ANGPT1: variants seen among roughly 807,000 people sequenced by gnomAD.
The protein encoded by ANGPT1 is angiopoietin 1, also known as angiopoietin-1.
Under a neutral mutation model 62.2 loss-of-function variants are expected in ANGPT1, and 17 were observed. The ratio of observed to expected loss-of-function variants is 0.27; its 90% CI spans 0.19 to 0.41. The LOEUF (loss-of-function observed/expected upper bound fraction) is 0.41. ANGPT1 is among the 10% of genes least tolerant of loss of function. The pLI is 1.00. For missense variants in ANGPT1, 478 were observed against 594.9 expected (o/e 0.80, Z 2.04); for synonymous variants, 199 against 198.9 (o/e 1.00, Z 0.00).
At chr8:107,493,104 G>A (rs890990174) in intron 1 of ANGPT1, among the ~76,000 whole-genome samples, 1 of 150,370 alleles carries the variant, frequency 6.7e-6, no homozygotes. Flanking sequence ...ATACACTTGA[G>A]CACTTGATTT....
chr8:107,445,071 C>T (rs117443851), intron 1 of ANGPT1, among the ~76,000 whole-genome samples: 4 of 152,192 alleles, frequency 2.6e-5, no homozygotes, highest in African/African-American at 9.6e-5. Flanking sequence ...AATTTGCAGT[C>T]TCTCACTTTG....
Position 107,470,715 on chromosome 8 carries a change from C to A in ANGPT1, c.297+26547G>T, listed in dbSNP as rs543953885. Among the ~76,000 whole-genome samples, 29 of 152,100 alleles carry A rather than the reference C, an allele frequency of 1.9e-4. 1 individual carries two copies. The highest frequency in any genetic ancestry group is 6.5e-4 in the African/African-American group (27 of 41,502). ...AAATTTACAAGAAAAAAACAAACAA[C>A]CCCATCAAAAAGTGGGCAAAGGATA... On this transcript the variant is annotated intron_variant, in intron 1 of 8. Transcript: ENST00000517746.
chr8:107,468,626 A>T (rs1812268142), intron 1 of ANGPT1, among the ~76,000 whole-genome samples: 1 of 152,110 alleles, frequency 6.6e-6, no homozygotes, highest in South Asian at 2.1e-4. Flanking sequence ...GGCATCTATT[A>T]TTTCTGAAAA....
At chr8:107,285,942 T>C (rs1012814956) in intron 6 of ANGPT1, among the ~76,000 whole-genome samples, 8 of 151,980 alleles carry the variant, frequency 5.3e-5, no homozygotes, top group Non-Finnish European at 1.0e-4. Context: ...AGGGTTGTTT[T>C]GAAATTCAAA....
At chr8:107,261,401 A>C (rs1251423966) in intron 8 of ANGPT1, among the ~76,000 whole-genome samples, 1 of 152,078 alleles carries the variant, frequency 6.6e-6, no homozygotes, top group Non-Finnish European at 1.5e-5. Context: ...AGGATAGTTC[A>C]AAGATTAAGG....
In ANGPT1 at chr8:107,426,933, A is replaced by AT. The variant is rs577146918; in HGVS notation, c.297+70328dup. ...ATGGAGTTGTGTGGAAAACCAGAGG[A>AT]TTTTTTTTAACTAGAGGGAAATGAC... On this transcript the variant is annotated intron_variant, in intron 1 of 8. Transcript: ENST00000517746. Among the ~76,000 whole-genome samples the AT allele has an allele frequency of 4.6e-5, 7 of 152,166 alleles. No homozygotes were observed. In the East Asian group the frequency reaches 9.7e-4, roughly 21 times the overall value.
chr8:107,390,677 G>A (rs1419149339), intron 1 of ANGPT1, among the ~76,000 whole-genome samples: 2 of 152,116 alleles, frequency 1.3e-5, no homozygotes, highest in East Asian at 3.9e-4. Flanking sequence ...ACATAAATAG[G>A]AGATTTCTGT....
At chr8:107,336,297 C>A (rs368357183) in intron 2 of ANGPT1, 26 bp from the exon 3 acceptor site, 27 of 1,563,386 alleles carry the variant, frequency 1.7e-5, no homozygotes, top group Non-Finnish European at 2.1e-5. Context: ...GAAAATATTT[C>A]AAACTTCAGT....
At chr8:107,359,907 A>T (rs368057447) in intron 1 of ANGPT1, among the ~76,000 whole-genome samples, 13 of 152,274 alleles carry the variant, frequency 8.5e-5, no homozygotes, top group African/African-American at 3.1e-4. Flanking sequence ...TTATACCCAG[A>T]AATAAAATAA....
At chr8:107,472,315 G>A (rs936673460) in intron 1 of ANGPT1, among the ~76,000 whole-genome samples, 6 of 152,014 alleles carry the variant, frequency 3.9e-5, no homozygotes, top group African/African-American at 1.2e-4. Context: ...TTCCATTACA[G>A]TGCTCTTTAG....
intron 7 of ANGPT1, among the ~76,000 whole-genome samples, chr8:107,271,904 T>TAAAAA (rs35257524): frequency 7.2e-6 from 1 of 138,220 alleles, no homozygotes; most frequent in Non-Finnish European, 1.6e-5. Context: ...TTGATACTGG[T>TAAAAA]AAAAAAAAAA....
intron 1 of ANGPT1, among the ~76,000 whole-genome samples, chr8:107,465,478 T>A (rs1056996492): frequency 1.3e-5 from 2 of 152,172 alleles, no homozygotes; most frequent in East Asian, 3.9e-4. Flanking sequence ...TATATTTTCA[T>A]GCACTTTGAT....
At chr8:107,326,193 G>A (rs17368764) in intron 3 of ANGPT1, among the ~76,000 whole-genome samples, 24,732 of 151,932 alleles carry the variant, frequency 0.16, 2,615 homozygotes, top group Admixed American at 0.26. Context: ...GAACTAAGAA[G>A]GCTACTCTAC....
chr8:107,388,767 T>C (rs1346197674), intron 1 of ANGPT1, among the ~76,000 whole-genome samples: 1 of 152,084 alleles, frequency 6.6e-6, no homozygotes. Flanking sequence ...GGCTGAAGAG[T>C]ATGGAGCATT....
Position 107,360,380 on chromosome 8 carries a change from A to G in ANGPT1, c.298-13283T>C, listed in dbSNP as rs558084119. Among the ~76,000 whole-genome samples the G allele has an allele frequency of 3.3e-5, 5 of 152,282 alleles. No homozygotes were observed. In the South Asian group the frequency reaches 1.0e-3, roughly 32 times the overall value. ...TGGCAGAAGTGATGAGAAGTTCAGT[A>G]ACATGATCAGGACTACAGAGCCCAA... On this transcript the variant is annotated intron_variant, in intron 1 of 8. Coordinates refer to ENST00000517746, the MANE Select transcript of ANGPT1 (RefSeq NM_001146.5).
At chr8:107,299,918 A>G (rs1388351054) in intron 5 of ANGPT1, among the ~76,000 whole-genome samples, 1 of 131,200 alleles carries the variant, frequency 7.6e-6, no homozygotes, top group South Asian at 2.4e-4. Flanking sequence ...TAGATATACT[A>G]TATATCTAGA....
At chr8:107,365,597 G>T (rs1182489260) in intron 1 of ANGPT1, among the ~76,000 whole-genome samples, 1 of 152,072 alleles carries the variant, frequency 6.6e-6, no homozygotes, top group Non-Finnish European at 1.5e-5. Context: ...ACATGGAAAG[G>T]TCATGATTCC....
intron 8 of ANGPT1, among the ~76,000 whole-genome samples, chr8:107,261,923 G>A (rs1371928912): frequency 6.6e-6 from 1 of 151,998 alleles, no homozygotes; most frequent in Non-Finnish European, 1.5e-5. Flanking sequence ...AGCTGGGTGT[G>A]GTGGCTCATG....
intron 7 of ANGPT1, among the ~76,000 whole-genome samples, chr8:107,269,021 T>C (rs1393096486): frequency 6.6e-6 from 1 of 152,090 alleles, no homozygotes; most frequent in African/African-American, 2.4e-5. Flanking sequence ...TCTCTTGCAC[T>C]GGGAGATAAA....
Sources: gnomAD v4.1 joint callset for allele counts (sites outside exome capture counted in the v4.1 genomes callset) on GRCh38, gnomAD v4.1.1 for gene constraint, MANE v1.5 for transcripts, NCBI Gene and HGNC (gene_info 2026-07-23, HGNC 2026-07-21) for gene names.